Variants in SYNE1 observed in about 807,000 individuals in gnomAD.
SYNE1 encodes nesprin-1.
A neutral mutation model predicts 1,111.0 loss-of-function variants in SYNE1; 616 were observed. The ratio of observed to expected loss-of-function variants is 0.55; its 90% CI spans 0.52 to 0.59. SYNE1 has a LOEUF of 0.59. SYNE1 is among the 20% of genes least tolerant of loss of function. The pLI, the probability that SYNE1 is intolerant of heterozygous loss-of-function variation, is 0.00. For synonymous variants in SYNE1, 3,855 were observed against 3,825.8 expected (o/e 1.01, Z -0.28); for missense variants, 10,006 against 10,417.0 (o/e 0.96, Z 1.72).
At chr6:152,461,204 A>C (rs1368093814) in intron 21 of SYNE1, among the ~76,000 whole-genome samples, 1 of 152,154 alleles carries the variant, frequency 6.6e-6, no homozygotes, top group Non-Finnish European at 1.5e-5. Context: ...AAATTGCACA[A>C]ATAAGTTTGG....
rs575815106 is a variant in SYNE1, at chr6:152,584,687, G to T, written c.67+43578C>A. ...CAAAATGCTGGGGTTACAGGCATGAGCCACTGCACCCGGCCTTATACTTTT... is the reference window on the plus strand; with the variant it reads ...CAAAATGCTGGGGTTACAGGCATGATCCACTGCACCCGGCCTTATACTTTT... On this transcript the variant is annotated intron_variant, in intron 3 of 145. Coordinates refer to ENST00000367255, the MANE Select transcript of SYNE1 (RefSeq NM_182961.4). Among the ~76,000 whole-genome samples, 13 of 152,288 alleles carry T rather than the reference G, an allele frequency of 8.5e-5. No individual in the cohort carries two copies. In the South Asian group the frequency reaches 2.7e-3, roughly 32 times the overall value.
At chr6:152,498,696 AG>A (rs2099012555) in intron 11 of SYNE1, 45 bp downstream of exon 11, 1 of 1,311,842 alleles carries the variant, frequency 7.6e-7, no homozygotes, top group Admixed American at 1.9e-5. Flanking sequence ...TACAGAATGC[AG>A]GATGTTTGAA....
chr6:152,427,487 A>G, intron 38 of SYNE1: 1 of 627,834 alleles, frequency 1.6e-6, no homozygotes, highest in South Asian at 2.1e-5. Flanking sequence ...ATTGATCATC[A>G]CAAAGTTCTC....
At chr6:152,170,713 T>A (rs1427706118) in intron 130 of SYNE1, among the ~76,000 whole-genome samples, 1 of 152,216 alleles carries the variant, frequency 6.6e-6, no homozygotes, top group Non-Finnish European at 1.5e-5. Context: ...TTGCTTGCAC[T>A]GCATATGTGT....
At chr6:152,187,248 G>A (rs1190596139) in intron 128 of SYNE1, among the ~76,000 whole-genome samples, 1 of 152,168 alleles carries the variant, frequency 6.6e-6, no homozygotes, top group East Asian at 1.9e-4. Flanking sequence ...AGAGTTTTCT[G>A]TTGGCCCACG....
At chr6:152,332,508 T>C (rs865927974) in intron 77 of SYNE1, among the ~76,000 whole-genome samples, 1 of 152,188 alleles carries the variant, frequency 6.6e-6, no homozygotes, top group Non-Finnish European at 1.5e-5. Context: ...GCAGAATCTA[T>C]ATGGTAACAG....
chr6:152,140,265 A>G, intron 139 of SYNE1, 104 bp from the exon 140 acceptor site: 1 of 1,148,646 alleles, frequency 8.7e-7, no homozygotes, highest in Non-Finnish European at 1.3e-6. Flanking sequence ...AGCAACAGAA[A>G]GAAAAGTAAT....
At chr6:152,585,583 GAC>G (rs1025901747) in intron 3 of SYNE1, among the ~76,000 whole-genome samples, 2 of 152,118 alleles carry the variant, frequency 1.3e-5, no homozygotes, top group African/African-American at 4.8e-5. Flanking sequence ...TCATATTTGT[GAC>G]ACATTTTTCT....
Position 152,390,283 on chromosome 6 carries a change from T to C in SYNE1, c.8174A>G (p.Gln2725Arg). The C allele has an allele frequency of 6.2e-7, 1 of 1,614,020 alleles. No individual in the cohort carries two copies. The highest frequency in any genetic ancestry group is 8.5e-7 in the Non-Finnish European group (1 of 1,179,942). ...ACTCTAAAAATAGGTTCTGTACCTT[T>C]GAGCGTGGACGGAGGAGCTCATGAT... The part of the protein sequence containing the change: ...ADIMSSSVHA[Q>R]STLESVISQW... The change falls in exon 53 of 146, where the codon CAA becomes CGA. Residue 2725 changes from glutamine (Q) to arginine (R), a missense_variant. Gln to Arg is a conservative substitution (Grantham distance 43). This residue lies in a region of SYNE1 where 4,955 missense variants were observed against 5,017.2 expected (regional missense o/e 0.99). Coordinates refer to ENST00000367255, the MANE Select transcript of SYNE1 (RefSeq NM_182961.4).
At chr6:152,618,644 A>G (rs988283099) in intron 3 of SYNE1, among the ~76,000 whole-genome samples, 2 of 152,194 alleles carry the variant, frequency 1.3e-5, no homozygotes, top group African/African-American at 4.8e-5. Flanking sequence ...TTTGTTTTTA[A>G]TCCAAGAGGT....
intron 21 of SYNE1, 111 bp from the exon 22 acceptor site, chr6:152,459,041 C>T: frequency 1.1e-6 from 1 of 937,180 alleles, no homozygotes; most frequent in South Asian, 1.4e-5. Flanking sequence ...TCATTTGGTG[C>T]TTACAAATAT....
chr6:152,292,669 G>A (rs971598717), intron 95 of SYNE1, among the ~76,000 whole-genome samples: 6 of 152,260 alleles, frequency 3.9e-5, no homozygotes, highest in South Asian at 2.1e-4. Flanking sequence ...AAAGTACAAC[G>A]TTTCACTCCT....
At chr6:152,397,862 A>G (rs1326649206) in intron 49 of SYNE1, among the ~76,000 whole-genome samples, 1 of 152,008 alleles carries the variant, frequency 6.6e-6, no homozygotes, top group Non-Finnish European at 1.5e-5. Context: ...TTAGCTGGGC[A>G]TGGTGGCACA....
chr6:152,184,377 C>T (rs146322012), intron 128 of SYNE1, among the ~76,000 whole-genome samples: 106 of 147,190 alleles, frequency 7.2e-4, no homozygotes, highest in African/African-American at 2.6e-3. Context: ...GCACAGGTTG[C>T]AGTGAGCCAA....
chr6:152,582,366 A>G (rs747245872), intron 3 of SYNE1, among the ~76,000 whole-genome samples: 15 of 152,110 alleles, frequency 9.9e-5, no homozygotes, highest in Admixed American at 5.9e-4. Context: ...TAATAACAAT[A>G]TCATTACTTA....
intron 14 of SYNE1, 123 bp downstream of exon 14, chr6:152,482,962 A>T (rs2098916637): frequency 1.8e-6 from 2 of 1,087,814 alleles, no homozygotes; most frequent in Non-Finnish European, 2.8e-6. Context: ...AGAAGGTGTG[A>T]CGTCTCCGAT....
chr6:152,143,615 AT>A lies in SYNE1; in HGVS notation c.25119+7del. The A allele has an allele frequency of 1.2e-6, 2 of 1,614,142 alleles. No individual in the cohort carries two copies. The highest frequency in any genetic ancestry group is 1.7e-6 in the Non-Finnish European group (2 of 1,180,020). ...ACAGGTCGGAATCAGGATGGCCAGGATACTTACGTAGCCTTTGTAGCTGGTG... is the reference window on the plus strand; with the variant it reads ...ACAGGTCGGAATCAGGATGGCCAGGAACTTACGTAGCCTTTGTAGCTGGTG... On this transcript the variant is annotated splice_region_variant and intron_variant, in intron 138 of 145. Transcript: ENST00000367255.
chr6:152,467,304 T>C (rs2098775994), intron 16 of SYNE1, among the ~76,000 whole-genome samples: 1 of 152,096 alleles, frequency 6.6e-6, no homozygotes, highest in African/African-American at 2.4e-5. Context: ...TATTTAGCCT[T>C]ATATCTTCTT....
At chr6:152,610,009 A>G (rs1234199123) in intron 3 of SYNE1, among the ~76,000 whole-genome samples, 13 of 152,216 alleles carry the variant, frequency 8.5e-5, no homozygotes, top group Non-Finnish European at 1.5e-5. Context: ...CATCAAAGAC[A>G]AAGGTAGATA....
Sources: gnomAD v4.1 joint callset for allele counts (sites outside exome capture counted in the v4.1 genomes callset) on GRCh38, gnomAD v4.1.1 for gene constraint, gnomAD v4.1.1 regional missense constraint, MANE v1.5 for transcripts, NCBI Gene and HGNC (gene_info 2026-07-23, HGNC 2026-07-21) for gene names.